GRIN2A: variants seen among roughly 807,000 people sequenced by gnomAD.
GRIN2A encodes glutamate ionotropic receptor NMDA type subunit 2A.
A neutral mutation model predicts 113.4 loss-of-function variants in GRIN2A; 22 were observed. That is an observed-to-expected ratio of 0.19 (90% CI 0.14 to 0.28). The LOEUF is 0.28. GRIN2A is among the 10% of genes least tolerant of loss of function. The probability of loss-of-function intolerance (pLI) is 1.00; values close to 1 mark genes in which losing one functional copy is unlikely to be tolerated. For missense variants in GRIN2A, 1,502 were observed against 1,887.0 expected, an observed-to-expected ratio of 0.80 and a Z score of 3.78; for synonymous variants, 827 against 738.4, an observed-to-expected ratio of 1.12 and a Z score of -1.94.
intron 2 of GRIN2A, among the ~76,000 whole-genome samples, chr16:9,964,577 G>A (rs1233253888): frequency 6.6e-5 from 10 of 152,168 alleles, no homozygotes; most frequent in East Asian, 3.9e-4. Flanking sequence ...TCCGGAGGCC[G>A]TAGGGGAGAA....
chr16:10,108,533 G>T (rs1225638061), intron 2 of GRIN2A, among the ~76,000 whole-genome samples: 1 of 152,164 alleles, frequency 6.6e-6, no homozygotes, highest in Non-Finnish European at 1.5e-5. Context: ...CAAACCCCAG[G>T]CCTCCTGATC....
intron 2 of GRIN2A, among the ~76,000 whole-genome samples, chr16:9,954,513 A>G (rs528590406): frequency 1.3e-5 from 2 of 152,104 alleles, no homozygotes; most frequent in Non-Finnish European, 2.9e-5. Flanking sequence ...AACTCAAGAC[A>G]CTATATCTGA....
chr16:10,035,703 C>T (rs2047012338), intron 2 of GRIN2A, among the ~76,000 whole-genome samples: 1 of 150,850 alleles, frequency 6.6e-6, no homozygotes, highest in Non-Finnish European at 1.5e-5. Flanking sequence ...ACTTTGAGAA[C>T]CACTGCACTG....
Position 9,757,731 on chromosome 16 carries a change from A to G in GRIN2A, c.*5418T>C, listed in dbSNP as rs77337281. The G allele has an allele frequency of 4.2e-4, 90 of 216,546 alleles. No homozygotes were observed. The highest frequency in any genetic ancestry group is 1.9e-3 in the African/African-American group (85 of 44,536). 13.4% of individuals were successfully genotyped at this position (216,546 alleles called of 1,614,324 possible). A position where few individuals can be genotyped will look rare whatever the true frequency, so the allele number is the denominator to read the frequency against. On this transcript the variant is annotated 3_prime_UTR_variant, in exon 13 of 13. Coordinates refer to ENST00000330684, the MANE Select transcript of GRIN2A (RefSeq NM_001134407.3). ...TATCTTCAGTTTGAGGTTTTAAACA[A>G]TATCCCTGTTGATTTTTCCTAAGGA...
At chr16:9,948,906 C>G (rs112504131) in intron 2 of GRIN2A, among the ~76,000 whole-genome samples, 15 of 152,336 alleles carry the variant, frequency 9.8e-5, no homozygotes, top group African/African-American at 3.6e-4. Context: ...CAAATGTACG[C>G]AAGTGGCTGG....
intron 10 of GRIN2A, among the ~76,000 whole-genome samples, chr16:9,801,854 C>T (rs908283120): frequency 1.3e-5 from 2 of 152,112 alleles, no homozygotes; most frequent in African/African-American, 4.8e-5. Context: ...CATGTCAGAA[C>T]TGAAGTGATT....
At chr16:10,131,939 T>C (rs532289338) in intron 2 of GRIN2A, among the ~76,000 whole-genome samples, 1 of 152,186 alleles carries the variant, frequency 6.6e-6, no homozygotes, top group African/African-American at 2.4e-5. Flanking sequence ...TGTCAGGCAC[T>C]GCACTAAGCA....
intron 12 of GRIN2A, among the ~76,000 whole-genome samples, chr16:9,766,411 A>G (rs781588150): frequency 1.3e-5 from 2 of 152,168 alleles, no homozygotes; most frequent in Non-Finnish European, 2.9e-5. Flanking sequence ...AAGGAACCGT[A>G]AACACAAAAG....
intron 2 of GRIN2A, among the ~76,000 whole-genome samples, chr16:10,023,569 T>C (rs1290521946): frequency 6.6e-6 from 1 of 152,194 alleles, no homozygotes; most frequent in African/African-American, 2.4e-5. Context: ...TACTAAGTCC[T>C]CATTAACTGG....
At chr16:10,126,009 C>T (rs1300755263) in intron 2 of GRIN2A, among the ~76,000 whole-genome samples, 6 of 152,114 alleles carry the variant, frequency 3.9e-5, no homozygotes, top group Admixed American at 3.3e-4. Flanking sequence ...CTTCCTGACT[C>T]CCTGCCTTCA....
At chr16:10,083,653 T>C (rs7206094) in intron 2 of GRIN2A, among the ~76,000 whole-genome samples, 128,943 of 151,698 alleles carry the variant, frequency 0.85, 55,326 homozygotes, top group East Asian at 1. Context: ...TCACCCCCGA[T>C]CCCTACTCTC....
intron 3 of GRIN2A, among the ~76,000 whole-genome samples, chr16:9,924,138 AAC>A (rs2044411507): frequency 4.0e-5 from 6 of 151,708 alleles, no homozygotes; most frequent in African/African-American, 1.4e-4. Flanking sequence ...AAAAAAAAAA[AAC>A]AAAAACCTCA....
At chr16:9,780,679 A>C (rs919767384) in intron 11 of GRIN2A, among the ~76,000 whole-genome samples, 5 of 152,260 alleles carry the variant, frequency 3.3e-5, no homozygotes, top group African/African-American at 1.2e-4. Flanking sequence ...GGATTTGTGC[A>C]ATATAACGAA....
rs1365598585 is a variant in GRIN2A, at chr16:9,760,674, C to T, written c.*2475G>A. 4 of 226,212 alleles carry T rather than the reference C, an allele frequency of 1.8e-5. No homozygotes were observed. The highest frequency in any genetic ancestry group is 5.7e-5 in the Admixed American group (1 of 17,512). The allele number at this position is 226,212 out of a possible 1,614,324, so 14.0% of individuals were successfully genotyped here. The stretch of plus-strand genomic sequence containing the variant: ...CAGTCCAAGTATAACTCTCACTCTC[C>T]CTGGAGGTCTCTGTGGCATTTGGCA... On this transcript the variant is annotated 3_prime_UTR_variant, in exon 13 of 13. Coordinates refer to ENST00000330684, the MANE Select transcript of GRIN2A (RefSeq NM_001134407.3).
At chr16:9,898,470 A>T (rs1443024811) in intron 3 of GRIN2A, among the ~76,000 whole-genome samples, 1 of 152,168 alleles carries the variant, frequency 6.6e-6, no homozygotes, top group African/African-American at 2.4e-5. Context: ...TTTAACTTCC[A>T]AAATCTAATT....
chr16:9,911,873 T>C (rs141867157), intron 3 of GRIN2A, among the ~76,000 whole-genome samples: 6 of 152,204 alleles, frequency 3.9e-5, no homozygotes, highest in Admixed American at 3.9e-4. Flanking sequence ...CCACCCTTAG[T>C]CAAGCTGAAA....
chr16:9,917,883 A>C (rs2044282141), intron 3 of GRIN2A, among the ~76,000 whole-genome samples: 1 of 152,214 alleles, frequency 6.6e-6, no homozygotes, highest in Non-Finnish European at 1.5e-5. Context: ...CATTTTTAAA[A>C]ATTTTATTCT....
Position 9,764,554 on chromosome 16 carries a change from T to C in GRIN2A, c.2990A>G (p.Glu997Gly). 1 of 1,613,912 alleles carries C rather than the reference T, an allele frequency of 6.2e-7. No homozygotes were observed. The highest frequency in any genetic ancestry group is 1.3e-5 in the African/African-American group (1 of 75,012). Residue 997 changes from glutamate to glycine, a missense_variant, in exon 13 of 13, where the codon GAG becomes GGG. Around this residue, in one of 7 missense-constraint regions of GRIN2A, gnomAD observed 832 missense variants for 789.7 expected, o/e 1.05. Transcript: ENST00000330684. ...TLNESNPNTVEVAVSTESKAN... is the reference protein window; with the variant it reads ...TLNESNPNTVGVAVSTESKAN... ...TTTGGATTCTGTGCTCACGGCCACCTCCACCGTGTTAGGGTTGGACTCATT... is the reference window on the plus strand; with the variant it reads ...TTTGGATTCTGTGCTCACGGCCACCCCCACCGTGTTAGGGTTGGACTCATT...
chr16:10,070,945 G>A (rs2047737946), intron 2 of GRIN2A, among the ~76,000 whole-genome samples: 1 of 152,122 alleles, frequency 6.6e-6, no homozygotes, highest in Non-Finnish European at 1.5e-5. Context: ...TGTTGAGAGA[G>A]CAGTCAGATT....
Sources: gnomAD v4.1 joint callset for allele counts (sites outside exome capture counted in the v4.1 genomes callset) on GRCh38, gnomAD v4.1.1 for gene constraint, gnomAD v4.1.1 regional missense constraint, MANE v1.5 for transcripts, NCBI Gene and HGNC (gene_info 2026-07-23, HGNC 2026-07-21) for gene names.